CAMTA1: variants seen among roughly 807,000 people sequenced by gnomAD.
CAMTA1 encodes calmodulin binding transcription activator 1, also known as calmodulin-binding transcription activator 1.
In CAMTA1, 27 loss-of-function variants were observed where a neutral mutation model predicts 170.9. The observed-to-expected ratio is 0.16, with a 90% CI of 0.12 to 0.22. The LOEUF is 0.22. Ranked by LOEUF, CAMTA1 falls within the 10% of genes least tolerant of loss-of-function variation. The pLI, the probability that CAMTA1 is intolerant of heterozygous loss-of-function variation, is 1.00. For synonymous variants in CAMTA1, 833 were observed against 891.5 expected, an observed-to-expected ratio of 0.93 and a Z score of 1.17; for missense variants, 1,619 against 2,217.2, an observed-to-expected ratio of 0.73 and a Z score of 5.42.
At chr1:7,398,187 CTCTCTCTATATATATATA>C (rs1233850054) in intron 5 of CAMTA1, among the ~76,000 whole-genome samples, 57 of 38,198 alleles carry the variant, frequency 1.5e-3, no homozygotes, top group African/African-American at 4.2e-3. Flanking sequence ...CTCTCTCTCT[CTCTCTCTATATATATATA>C]TATATATATA....
rs923962751 is a variant in CAMTA1 at position 7,007,945 on chromosome 1, C to G, written c.235-83359C>G. ...GTTCCATACAATTGAGTGACAGAGC[C>G]CTGCGTGGAAAGGGAGGCCCGTGTT... On this transcript the variant is annotated intron_variant, in intron 3 of 22. Transcript: ENST00000303635. The surrounding 1 kb of genome is among the most constrained non-coding windows in gnomAD (Gnocchi z 4.5). 2.0e-5 allele frequency among the ~76,000 whole-genome samples: 3 copies of G among 152,148 alleles called. No individual in the cohort carries two copies. Among genetic ancestry groups the G allele is most frequent in the African/African-American group, 7.2e-5 (3 of 41,424 alleles).
At chr1:7,707,330 G>T (rs1226743360) in intron 11 of CAMTA1, among the ~76,000 whole-genome samples, 1 of 152,150 alleles carries the variant, frequency 6.6e-6, no homozygotes, top group African/African-American at 2.4e-5. Context: ...ATATGAGAAA[G>T]ATAGCAAAGT....
chr1:7,121,385 C>A (rs1316989217), intron 4 of CAMTA1, among the ~76,000 whole-genome samples: 1 of 152,176 alleles, frequency 6.6e-6, no homozygotes, highest in African/African-American at 2.4e-5. Flanking sequence ...TAAGATGGAT[C>A]AAATCAAACT....
intron 1 of CAMTA1, among the ~76,000 whole-genome samples, chr1:6,787,928 A>AT (rs1343525471): frequency 6.6e-6 from 1 of 152,206 alleles, no homozygotes; most frequent in African/African-American, 2.4e-5. Context: ...GGTGAGAAGA[A>AT]TATGTTTTCC....
At chr1:7,387,289 A>G (rs1162013299) in intron 5 of CAMTA1, among the ~76,000 whole-genome samples, 2 of 151,828 alleles carry the variant, frequency 1.3e-5, no homozygotes, top group Admixed American at 6.6e-5. Context: ...TCCACCACCC[A>G]GTGACTGGCT....
chr1:7,138,320 T>G (rs1479235273), intron 4 of CAMTA1, among the ~76,000 whole-genome samples: 1 of 152,188 alleles, frequency 6.6e-6, no homozygotes, highest in African/African-American at 2.4e-5. Flanking sequence ...ACCTTTTAGC[T>G]CATATCCTCG....
chr1:7,201,290 A>C (rs1425671224), intron 4 of CAMTA1, among the ~76,000 whole-genome samples: 1 of 152,202 alleles, frequency 6.6e-6, no homozygotes, highest in Non-Finnish European at 1.5e-5. Flanking sequence ...ATTTGGCTTC[A>C]TTATATGGAT....
intron 6 of CAMTA1, among the ~76,000 whole-genome samples, chr1:7,597,604 T>C (rs1434337866): frequency 1.3e-5 from 2 of 151,720 alleles, no homozygotes; most frequent in African/African-American, 2.4e-5. Context: ...AGGAGCATGA[T>C]TGTGGGGCTC....
intron 3 of CAMTA1, among the ~76,000 whole-genome samples, chr1:7,038,867 C>G (rs534899351): frequency 6.6e-6 from 1 of 152,128 alleles, no homozygotes; most frequent in South Asian, 2.1e-4. Flanking sequence ...TGGTGAAACC[C>G]TGTCTCTACC....
intron 3 of CAMTA1, among the ~76,000 whole-genome samples, chr1:6,864,877 C>T (rs987518004): frequency 2.6e-5 from 4 of 152,102 alleles, no homozygotes; most frequent in African/African-American, 7.2e-5. Flanking sequence ...AGACGTGCCT[C>T]GGCATGTCAC....
At chr1:7,695,202 C>T (rs1473999667) in intron 11 of CAMTA1, among the ~76,000 whole-genome samples, 1 of 152,076 alleles carries the variant, frequency 6.6e-6, no homozygotes, top group East Asian at 1.9e-4. Context: ...GGACCTGATG[C>T]CCTGGAAGCC....
chr1:7,617,818 A>G (rs111229242), intron 6 of CAMTA1, among the ~76,000 whole-genome samples: 2,096 of 152,092 alleles, frequency 0.014, 56 homozygotes, highest in African/African-American at 0.049. Flanking sequence ...AGTCCAGTGA[A>G]TGGAGAATCG....
At chr1:7,191,221 T>A (rs1654462737) in intron 4 of CAMTA1, among the ~76,000 whole-genome samples, 1 of 152,192 alleles carries the variant, frequency 6.6e-6, no homozygotes, top group African/African-American at 2.4e-5. Context: ...ATAAAGAGAA[T>A]TACTGGGTAG....
intron 5 of CAMTA1, among the ~76,000 whole-genome samples, chr1:7,258,933 C>G (rs546166380): frequency 3.3e-4 from 51 of 152,296 alleles, no homozygotes; most frequent in African/African-American, 1.2e-3. Flanking sequence ...TAGGCTCATA[C>G]CACTCTGCTT....
chr1:7,704,420 C>T (rs1164189018), intron 11 of CAMTA1, among the ~76,000 whole-genome samples: 1 of 146,112 alleles, frequency 6.8e-6, no homozygotes, highest in Non-Finnish European at 1.5e-5. Flanking sequence ...CGCGCTGAGC[C>T]GGGCGGGCGG....
At chr1:6,926,415 T>C (rs1223624292) in intron 3 of CAMTA1, among the ~76,000 whole-genome samples, 1 of 145,558 alleles carries the variant, frequency 6.9e-6, no homozygotes, top group Non-Finnish European at 1.5e-5. Flanking sequence ...TCCTCTCTCT[T>C]TTCTTTTCTC....
At chr1:7,137,024 C>T (rs575302732) in intron 4 of CAMTA1, among the ~76,000 whole-genome samples, 5 of 152,280 alleles carry the variant, frequency 3.3e-5, no homozygotes, top group East Asian at 1.9e-4. Context: ...TCAGATATCT[C>T]GGACTTAAGC....
At chr1:7,347,086 T>C (rs2084277647) in intron 5 of CAMTA1, among the ~76,000 whole-genome samples, 1 of 152,196 alleles carries the variant, frequency 6.6e-6, no homozygotes. Context: ...GGTGAAGAGA[T>C]TCTGAGCTAT....
At chr1:7,357,130 G>A (rs2085176310) in intron 5 of CAMTA1, among the ~76,000 whole-genome samples, 1 of 152,214 alleles carries the variant, frequency 6.6e-6, no homozygotes, top group South Asian at 2.1e-4. Flanking sequence ...CTCGGCTCAG[G>A]GAATTTCAGG....
Sources: gnomAD v4.1 joint callset for allele counts (sites outside exome capture counted in the v4.1 genomes callset) on GRCh38, gnomAD v4.1.1 for gene constraint, Gnocchi (gnomAD v3.1) non-coding constraint, MANE v1.5 for transcripts, NCBI Gene and HGNC (gene_info 2026-07-23, HGNC 2026-07-21) for gene names.